The following MRPS23 variants were observed in gnomAD, a reference collection of about 807,000 sequenced individuals.
The protein encoded by MRPS23 is mitochondrial ribosomal protein S23.
A neutral mutation model predicts 19.8 loss-of-function variants in MRPS23; 14 were observed. The observed-to-expected ratio is 0.71, with a 90% CI of 0.47 to 1.11. The LOEUF is 1.11. Among genes scored for constraint, MRPS23 ranks in the 50% least tolerant of loss-of-function variants. The pLI, the probability that MRPS23 is intolerant of heterozygous loss-of-function variation, is 0.00. For missense variants in MRPS23, 242 were observed against 236.7 expected (o/e 1.02, Z -0.15); for synonymous variants, 113 against 89.7 (o/e 1.26, Z -1.47).
Position 57,835,952 on chromosome 17 carries a change from C to CTTTTTTTTTTTTT in MRPS23, c.*3818_*3830dup, listed in dbSNP as rs11304363. 3 of 135,256 alleles carry CTTTTTTTTTTTTT rather than the reference C, an allele frequency of 2.2e-5. 1 individual carries two copies. Among genetic ancestry groups the CTTTTTTTTTTTTT allele is most frequent in the Non-Finnish European group, 3.2e-5 (2 of 62,630 alleles). 8.4% of individuals were successfully genotyped at this position (135,256 alleles called of 1,614,324 possible). ...ATAAGAATTTCTGCCCTCCTTTATACTTTTTTTTTTTTTTTTTTTGAGACA... is the reference window on the plus strand; with the variant it reads ...ATAAGAATTTCTGCCCTCCTTTATACTTTTTTTTTTTTTTTTTTTTTTTTTTTTTTTTGAGACA... On this transcript the variant is annotated 3_prime_UTR_variant, in exon 5 of 5. Transcript: ENST00000313608.
intron 1 of MRPS23, 34 bp downstream of exon 1, chr17:57,849,933 G>A: frequency 1.9e-6 from 3 of 1,575,504 alleles, no homozygotes; most frequent in Non-Finnish European, 1.7e-6. Context: ...CCTGGGGGAG[G>A]CACCCTCAGC....
chr17:57,841,075 T>C (rs1217568978), intron 3 of MRPS23, 23 bp from the exon 4 acceptor site: 2 of 1,613,132 alleles, frequency 1.2e-6, no homozygotes, highest in East Asian at 4.5e-5. Context: ...GCAGTCACAT[T>C]TTAGGTATGT....
chr17:57,845,626 T>C (rs1358592775), intron 2 of MRPS23, among the ~76,000 whole-genome samples: 1 of 152,192 alleles, frequency 6.6e-6, no homozygotes, highest in East Asian at 1.9e-4. Context: ...CATAAATGTA[T>C]AGGGATGCTA....
intron 2 of MRPS23, among the ~76,000 whole-genome samples, chr17:57,843,061 G>A (rs1383071941): frequency 6.6e-6 from 1 of 151,806 alleles, no homozygotes; most frequent in Non-Finnish European, 1.5e-5. Flanking sequence ...GATCACTTGA[G>A]GCCAGGAGTT....
chr17:57,839,750 T>C lies in MRPS23; in HGVS notation c.*33A>G. 6.4e-7 allele frequency: 1 copy of C among 1,559,710 alleles called. No individual in the cohort carries two copies. Among genetic ancestry groups the C allele is most frequent in the Non-Finnish European group, 8.8e-7 (1 of 1,135,358 alleles). On this transcript the variant is annotated 3_prime_UTR_variant, in exon 5 of 5. Transcript: ENST00000313608. ...CTCAACATTCAGCCAGTGAGTAGAG[T>C]GTGAATGCCAGCATACACAGTATAC...
rs2073695920 is a variant in MRPS23, at chr17:57,834,937, G to GCCTTTTAAGGACATCAT, written c.*4829_*4845dup. ...CAAAACTACAAGAAGAATCAGGCTA[G>GCCTTTTAAGGACATCAT]CCTTTTAAGGACATCATCAAAAATC... On this transcript the variant is annotated 3_prime_UTR_variant, in exon 5 of 5. Coordinates refer to ENST00000313608, the MANE Select transcript of MRPS23 (RefSeq NM_016070.4). The GCCTTTTAAGGACATCAT allele has an allele frequency of 6.6e-6, 1 of 152,178 alleles. No individual in the cohort carries two copies. Among genetic ancestry groups the GCCTTTTAAGGACATCAT allele is most frequent in the Admixed American group, 6.6e-5 (1 of 15,266 alleles). The allele number at this position is 152,178 out of a possible 1,614,324, so 9.4% of individuals were successfully genotyped here.
At chr17:57,844,873 G>A (rs1232349755) in intron 2 of MRPS23, among the ~76,000 whole-genome samples, 12 of 151,646 alleles carry the variant, frequency 7.9e-5, no homozygotes. Context: ...TACAGCAGAA[G>A]CACAAATGAT....
In MRPS23 at chr17:57,835,752, G is replaced by C. The variant is rs1261927159; in HGVS notation, c.*4031C>G. ...AGGCTGAAATACTGTGACAGGCACA[G>C]GGTCACATAGTAAAAACTGCCTGGA... On this transcript the variant is annotated 3_prime_UTR_variant, in exon 5 of 5. Coordinates refer to ENST00000313608, the MANE Select transcript of MRPS23 (RefSeq NM_016070.4). 6.6e-6 allele frequency: 1 copy of C among 152,110 alleles called. No individual in the cohort carries two copies. The highest frequency in any genetic ancestry group is 6.6e-5 in the Admixed American group (1 of 15,260). The allele number at this position is 152,110 out of a possible 1,614,324, so 9.4% of individuals were successfully genotyped here.
At chr17:57,847,140 CA>C (rs997448870) in intron 2 of MRPS23, among the ~76,000 whole-genome samples, 14 of 150,572 alleles carry the variant, frequency 9.3e-5, no homozygotes, top group African/African-American at 3.4e-4. Flanking sequence ...ACTAAAAATA[CA>C]AATTAGCCAG....
chr17:57,849,014 C>A (rs764730316), intron 2 of MRPS23: 3 of 556,422 alleles, frequency 5.4e-6, no homozygotes, highest in South Asian at 4.8e-5. Flanking sequence ...CAGAAACATG[C>A]GGCTATAATT....
chr17:57,849,312 C>T lies in MRPS23; in HGVS notation c.143G>A (p.Arg48Lys). 6.2e-7 allele frequency: 1 copy of T among 1,614,226 alleles called. No homozygotes were observed. The highest frequency in any genetic ancestry group is 8.5e-7 in the Non-Finnish European group (1 of 1,180,050). Residue 48 changes from arginine (R) to lysine (K), a missense_variant, in exon 2 of 5, where the codon AGG becomes AAG. Transcript: ENST00000313608. Reference protein sequence around the residue: ...FPPLREPVFQRPRVRYGKAKA... With the variant: ...FPPLREPVFQKPRVRYGKAKA... The stretch of plus-strand genomic sequence containing the variant: ...GGCTTTGCCATATCGCACTCGAGGC[C>T]TTTGGAAGACGGGCTCCCTCAGCGG...
intron 1 of MRPS23, chr17:57,849,736 G>A: frequency 1.6e-6 from 1 of 619,206 alleles, no homozygotes; most frequent in South Asian, 2.1e-5. Flanking sequence ...CTCCACTCGG[G>A]GAGAGGCAGC....
chr17:57,840,794 AC>A, intron 4 of MRPS23, 131 bp downstream of exon 4: 1 of 1,226,312 alleles, frequency 8.2e-7, no homozygotes, highest in South Asian at 1.6e-5. Flanking sequence ...ATATGCAAAA[AC>A]CACAGCACTT....
chr17:57,838,289 C>CAAAAGAAAAAAAAA lies in MRPS23; in HGVS notation c.*1493_*1494insTTTTTTTTTCTTTT, dbSNP rs2073718804. ...TGGGAAACAAAGTGATACTCCATCG[C>CAAAAGAAAAAAAAA]AAAAAAAAAAAAAAAAAAAAAAAAA... On this transcript the variant is annotated 3_prime_UTR_variant, in exon 5 of 5. Coordinates refer to ENST00000313608, the MANE Select transcript of MRPS23 (RefSeq NM_016070.4). 3.4e-5 allele frequency: 1 copy of CAAAAGAAAAAAAAA among 29,406 alleles called. No individual in the cohort carries two copies. The highest frequency in any genetic ancestry group is 9.9e-5 in the African/African-American group (1 of 10,130). 1.8% of individuals were successfully genotyped at this position (29,406 alleles called of 1,614,324 possible).
At chr17:57,845,438 C>T (rs1190144787) in intron 2 of MRPS23, among the ~76,000 whole-genome samples, 2 of 151,992 alleles carry the variant, frequency 1.3e-5, no homozygotes, top group African/African-American at 2.4e-5. Flanking sequence ...CCTGAAACAA[C>T]AGTAAGAATA....
rs745963691 is a variant in MRPS23, at chr17:57,849,421, G to A, written c.45-11C>T. 3.1e-6 allele frequency: 5 copies of A among 1,612,442 alleles called. No homozygotes were observed. Among genetic ancestry groups the A allele is most frequent in the Non-Finnish European group, 4.2e-6 (5 of 1,179,484 alleles). ...ACCAGGTCCCGAGTCCTTAGGGAGGGAACAGAACGAAACTGGGTCACTTGC... is the reference window on the plus strand; with the variant it reads ...ACCAGGTCCCGAGTCCTTAGGGAGGAAACAGAACGAAACTGGGTCACTTGC... On this transcript the variant is annotated splice_polypyrimidine_tract_variant and intron_variant, in intron 1 of 4. Coordinates refer to ENST00000313608, the MANE Select transcript of MRPS23 (RefSeq NM_016070.4).
chr17:57,847,067 C>T (rs1041063501), intron 2 of MRPS23, among the ~76,000 whole-genome samples: 4 of 150,390 alleles, frequency 2.7e-5, no homozygotes, highest in African/African-American at 4.9e-5. Flanking sequence ...GGAGGCAAGG[C>T]GGGCGGATCA....
chr17:57,847,400 C>T (rs1292545226), intron 2 of MRPS23, among the ~76,000 whole-genome samples: 5 of 151,314 alleles, frequency 3.3e-5, no homozygotes, highest in Non-Finnish European at 5.9e-5. Context: ...CGGTGGCTCA[C>T]GCCTGTAATC....
At chr17:57,840,222 C>T (rs1400947631) in intron 4 of MRPS23, among the ~76,000 whole-genome samples, 1 of 152,122 alleles carries the variant, frequency 6.6e-6, no homozygotes, top group Non-Finnish European at 1.5e-5. Flanking sequence ...CCCGTCTCTT[C>T]TAAAGCTACA....
Sources: gnomAD v4.1 joint callset for allele counts (sites outside exome capture counted in the v4.1 genomes callset) on GRCh38, gnomAD v4.1.1 for gene constraint, MANE v1.5 for transcripts, NCBI Gene and HGNC (gene_info 2026-07-23, HGNC 2026-07-21) for gene names.